Variants in AGXT2 observed in about 807,000 individuals in gnomAD.
AGXT2 encodes alanine--glyoxylate aminotransferase 2.
A neutral mutation model predicts 62.5 loss-of-function variants in AGXT2; 61 were observed. The ratio of observed to expected loss-of-function variants is 0.98; its 90% confidence interval spans 0.79 to 1.21. AGXT2 has a LOEUF of 1.21. AGXT2 is among the 50% of genes most tolerant of loss of function. The pLI, the probability that AGXT2 is intolerant of heterozygous loss-of-function variation, is 0.00. For synonymous variants in AGXT2, 243 were observed against 218.7 expected, an observed-to-expected ratio of 1.11 and a Z score of -0.98; for missense variants, 666 against 641.5, an observed-to-expected ratio of 1.04 and a Z score of -0.41.
At chr5:35,031,748 T>G (rs1400400045) in intron 7 of AGXT2, among the ~76,000 whole-genome samples, 1 of 152,182 alleles carries the variant, frequency 6.6e-6, no homozygotes, top group Non-Finnish European at 1.5e-5. Context: ...GGCAGCCTTG[T>G]GTTTTGTTTG....
chr5:35,003,904 TG>T (rs1766328960), intron 12 of AGXT2, 43 bp from the exon 13 acceptor site: 1 of 1,584,026 alleles, frequency 6.3e-7, no homozygotes, highest in Admixed American at 1.7e-5. Context: ...GGTGTTGGAA[TG>T]GTTAAAGGAA....
intron 5 of AGXT2, 60 bp downstream of exon 5, chr5:35,035,162 C>A (rs1418242031): frequency 7.3e-7 from 1 of 1,368,830 alleles, no homozygotes; most frequent in Non-Finnish European, 1.0e-6. Flanking sequence ...TGTAAAGCTA[C>A]ACATTTAGAA....
intron 2 of AGXT2, 33 bp downstream of exon 2, chr5:35,040,542 C>T (rs1239547364): frequency 5.0e-6 from 8 of 1,587,290 alleles, no homozygotes; most frequent in Non-Finnish European, 6.9e-6. Flanking sequence ...GAGAAACTAC[C>T]TCTTTGAGTT....
intron 5 of AGXT2, among the ~76,000 whole-genome samples, chr5:35,034,099 A>G (rs1767680414): frequency 1.3e-5 from 2 of 152,144 alleles, no homozygotes; most frequent in Admixed American, 1.3e-4. Context: ...ACAATTTCCC[A>G]TATCAAAATC....
intron 12 of AGXT2, among the ~76,000 whole-genome samples, chr5:35,009,316 C>A (rs981933878): frequency 6.6e-5 from 10 of 151,964 alleles, no homozygotes; most frequent in Admixed American, 4.6e-4. Flanking sequence ...TCAATATAGG[C>A]CAGGCTTGGT....
Position 35,032,748 on chromosome 5 carries a change from C to A in AGXT2, c.753G>T (p.Lys251Asn). ...CAGTCGGACCTGGTGCACAGCTGCA[C>A]TTCCTGATTGTTTGCACTGGAGAAT... ...CRDSPVQTIR[K>N]CSCAPDCCQA... The change falls in exon 7 of 14, where the codon AAG becomes AAT. Residue 251 changes from lysine to asparagine, a missense_variant. Physicochemically the swap from Lys to Asn is moderately conservative, Grantham distance 94. Coordinates refer to ENST00000231420, the MANE Select transcript of AGXT2 (RefSeq NM_031900.4). The A allele has an allele frequency of 1.2e-6, 2 of 1,608,518 alleles. No individual in the cohort carries two copies. The highest frequency in any genetic ancestry group is 2.2e-5 in the South Asian group (2 of 89,690).
At chr5:35,027,167 G>A (rs901693617) in intron 7 of AGXT2, 34 of 253,492 alleles carry the variant, frequency 1.3e-4, no homozygotes, top group African/African-American at 7.9e-4. Context: ...TCTGTGGCCA[G>A]GCAAGCTGTT....
Position 35,006,383 on chromosome 5 carries a change from T to A in AGXT2, c.1339-2522A>T, listed in dbSNP as rs1766417648. 2.6e-5 allele frequency among the ~76,000 whole-genome samples: 4 copies of A among 152,270 alleles called. No homozygotes were observed. The South Asian group carries it at 8.3e-4, about 32-fold the overall frequency. ...GAAAAGAGGTTTAATTGGCTCACAGTTCTACAGGCTGTACAAGCATGGCTC... is the reference window on the plus strand; with the variant it reads ...GAAAAGAGGTTTAATTGGCTCACAGATCTACAGGCTGTACAAGCATGGCTC... On this transcript the variant is annotated intron_variant, in intron 12 of 13. Transcript: ENST00000231420.
chr5:35,035,434 C>G, intron 4 of AGXT2, 118 bp from the exon 5 acceptor site: 3 of 818,324 alleles, frequency 3.7e-6, no homozygotes, highest in Non-Finnish European at 6.3e-6. Context: ...CCCTTCAGAC[C>G]AGCTCGGGTT....
At position 34,998,740 on chromosome 5, in the gene AGXT2, G is replaced by C. The variant is rs764132678; in HGVS notation, c.1524C>G (p.His508Gln). The C allele has an allele frequency of 6.2e-7, 1 of 1,613,054 alleles. No individual in the cohort carries two copies. The highest frequency in any genetic ancestry group is 1.3e-5 in the African/African-American group (1 of 74,908). ...VEVFRSALTQ[H>Q]MERRAK Reference sequence around the variant, plus strand: ...AATGTTACTTAGCTCTTCTTTCCATGTGTTGGGTTAAGGCAGAACGAAATA... The same window carrying C: ...AATGTTACTTAGCTCTTCTTTCCATCTGTTGGGTTAAGGCAGAACGAAATA... Residue 508 changes from histidine to glutamine, a missense_variant, in exon 14 of 14, where the codon CAC (histidine) becomes CAG (glutamine). His to Gln is a conservative substitution (Grantham distance 24). Transcript: ENST00000231420.
At chr5:35,012,843 A>G (rs1448318133) in intron 11 of AGXT2, 111 bp downstream of exon 11, 1 of 1,013,158 alleles carries the variant, frequency 9.9e-7, no homozygotes, top group Non-Finnish European at 1.5e-6. Flanking sequence ...TAAACTATGA[A>G]TTAACTCTCC....
intron 3 of AGXT2, among the ~76,000 whole-genome samples, chr5:35,038,676 T>G (rs1022046652): frequency 6.6e-6 from 1 of 152,144 alleles, no homozygotes; most frequent in African/African-American, 2.4e-5. Flanking sequence ...TGCTTTCCCC[T>G]AACTTAGTGT....
chr5:35,014,276 AC>A (rs1313994758), intron 9 of AGXT2, among the ~76,000 whole-genome samples, 157 bp from the exon 10 acceptor site: 1 of 151,810 alleles, frequency 6.6e-6, no homozygotes, highest in Non-Finnish European at 1.5e-5. Context: ...AGATGGTGAA[AC>A]CCTGTCTCTT....
intron 11 of AGXT2, among the ~76,000 whole-genome samples, chr5:35,010,382 T>C (rs1766586526): frequency 6.6e-6 from 1 of 152,160 alleles, no homozygotes; most frequent in Admixed American, 6.5e-5. Flanking sequence ...GGTGGCTAAG[T>C]ATTTAGGAAA....
intron 1 of AGXT2, among the ~76,000 whole-genome samples, chr5:35,045,396 T>C (rs1279541306): frequency 2.0e-5 from 3 of 152,218 alleles, no homozygotes; most frequent in Non-Finnish European, 4.4e-5. Flanking sequence ...TGTGTCTCTA[T>C]TGGATACATA....
chr5:35,020,970 A>G (rs958402358), intron 9 of AGXT2, among the ~76,000 whole-genome samples: 5 of 152,238 alleles, frequency 3.3e-5, no homozygotes, highest in Non-Finnish European at 5.9e-5. Context: ...ATTCCCATTC[A>G]CAATTGCTTC....
intron 13 of AGXT2, among the ~76,000 whole-genome samples, chr5:35,002,416 G>T (rs1766261826): frequency 6.6e-6 from 1 of 152,174 alleles, no homozygotes; most frequent in Non-Finnish European, 1.5e-5. Flanking sequence ...GATTTGAAAA[G>T]GAGAAATGCC....
In AGXT2 at chr5:35,024,165, T is replaced by G. The variant is rs1767234204; in HGVS notation, c.963+1598A>C. 1.3e-5 allele frequency among the ~76,000 whole-genome samples: 2 copies of G among 152,160 alleles called. 1 individual carries two copies. Among genetic ancestry groups the G allele is most frequent in the South Asian group, 4.1e-4 (2 of 4,828 alleles). ...GCCTCAGCATCCCAAAGTGCTGGGA[T>G]GACAGATGTGAGCCACTGCGCCCAA... On this transcript the variant is annotated intron_variant, in intron 9 of 13. Transcript: ENST00000231420.
rs755985581 is a variant in AGXT2 at position 35,036,954 on chromosome 5, A to ATTC, written c.473_474insGAA (p.Pro158_Glu159insAsn). Reference sequence around the variant, plus strand: ...AAGAGCATTGTACCTTAAGAGGCTCAGGAAGAAGTGCGGCAAGCTTCTCTG... The same window carrying ATTC: ...AAGAGCATTGTACCTTAAGAGGCTCATTCGGAAGAAGTGCGGCAAGCTTCTCTG... On this transcript the variant is annotated inframe_insertion, in exon 4 of 14. Transcript: ENST00000231420. 3.7e-6 allele frequency: 6 copies of ATTC among 1,614,112 alleles called. No homozygotes were observed. The highest frequency in any genetic ancestry group is 1.7e-5 in the Admixed American group (1 of 60,024).
Sources: allele counts gnomAD v4.1 joint callset (sites outside exome capture counted in the v4.1 genomes callset), GRCh38; gene constraint gnomAD v4.1.1; transcripts MANE v1.5; gene names NCBI Gene and HGNC (gene_info 2026-07-23, HGNC 2026-07-21).